The following PRKCB variants were observed in gnomAD, a reference collection of about 807,000 sequenced individuals.
The protein encoded by PRKCB is protein kinase C beta type.
A neutral mutation model predicts 81.5 loss-of-function variants in PRKCB; 13 were observed. The observed-to-expected ratio is 0.16, with a 90% CI of 0.10 to 0.25. The LOEUF (loss-of-function observed/expected upper bound fraction) is 0.25, where lower values mean the gene tolerates loss of function less well. PRKCB is among the 10% of genes least tolerant of loss of function. PRKCB has a pLI of 1.00. For missense variants in PRKCB, 509 were observed against 875.7 expected, an observed-to-expected ratio of 0.58 and a Z score of 5.29; for synonymous variants, 335 against 321.4, an observed-to-expected ratio of 1.04 and a Z score of -0.45.
intron 2 of PRKCB, among the ~76,000 whole-genome samples, chr16:23,983,232 A>G (rs1396535444): frequency 6.6e-6 from 1 of 152,156 alleles, no homozygotes; most frequent in African/African-American, 2.4e-5. Flanking sequence ...CAGCCCTACT[A>G]TTTTCTTCAA....
intron 2 of PRKCB, among the ~76,000 whole-genome samples, chr16:23,906,854 C>T (rs912104556): frequency 3.9e-5 from 6 of 152,214 alleles, no homozygotes; most frequent in Admixed American, 3.3e-4. Context: ...CTGACAGCCT[C>T]CAGTGCCAGC....
At chr16:24,062,531 G>C (rs1408437902) in intron 5 of PRKCB, among the ~76,000 whole-genome samples, 2 of 152,212 alleles carry the variant, frequency 1.3e-5, no homozygotes, top group Admixed American at 6.5e-5. Context: ...AAGTATAAAG[G>C]GGGGTTTGTA....
intron 2 of PRKCB, among the ~76,000 whole-genome samples, chr16:23,910,780 C>T (rs897351958): frequency 6.6e-6 from 1 of 152,164 alleles, no homozygotes; most frequent in Non-Finnish European, 1.5e-5. Flanking sequence ...ACATTCTCAT[C>T]ACCCCCGAAA....
chr16:24,115,710 C>T (rs1369749522), intron 8 of PRKCB, among the ~76,000 whole-genome samples: 1 of 151,678 alleles, frequency 6.6e-6, no homozygotes, highest in Non-Finnish European at 1.5e-5. Context: ...AGCATTTATC[C>T]CAAGGATTTT....
At chr16:24,194,558 G>A (rs1316956866) in intron 16 of PRKCB, among the ~76,000 whole-genome samples, 1 of 152,000 alleles carries the variant, frequency 6.6e-6, no homozygotes, top group Non-Finnish European at 1.5e-5. Context: ...TACAACCAGA[G>A]TCCATTTTGA....
intron 2 of PRKCB, among the ~76,000 whole-genome samples, chr16:23,915,913 A>G (rs551183848): frequency 1.1e-4 from 16 of 152,106 alleles, no homozygotes; most frequent in Non-Finnish European, 2.2e-4. Flanking sequence ...ATCTACATTT[A>G]TATGTATTTT....
intron 16 of PRKCB, among the ~76,000 whole-genome samples, chr16:24,213,013 T>A (rs1968169931): frequency 7.9e-6 from 1 of 126,588 alleles, no homozygotes; most frequent in African/African-American, 2.7e-5. Context: ...TGTATATTTA[T>A]TTATTTATTT....
rs550707685 is a variant in PRKCB at position 24,071,918 on chromosome 16, C to T, written c.530-20873C>T. 3.9e-5 allele frequency among the ~76,000 whole-genome samples: 6 copies of T among 152,242 alleles called. No individual in the cohort carries two copies. The South Asian group carries it at 1.0e-3, about 26-fold the overall frequency. ...CACATTCTGGAGGGGTCGTCGGCAT[C>T]ACTGGGCCCTGCTCCAGGATCTCAG... On this transcript the variant is annotated intron_variant, in intron 5 of 16. Transcript: ENST00000643927.
chr16:23,855,854 G>A (rs867969234), intron 2 of PRKCB, among the ~76,000 whole-genome samples: 26 of 152,338 alleles, frequency 1.7e-4, no homozygotes, highest in Middle Eastern at 3.4e-3. Context: ...CTTGGGCAAA[G>A]CAGCTCCCTT....
chr16:24,140,499 C>G (rs1211817719), intron 9 of PRKCB, among the ~76,000 whole-genome samples: 1 of 152,076 alleles, frequency 6.6e-6, no homozygotes, highest in African/African-American at 2.4e-5. Flanking sequence ...AGAATTTTTC[C>G]AAGATAGTTT....
Position 24,141,954 on chromosome 16 carries a change from C to T in PRKCB, c.1066-12730C>T, listed in dbSNP as rs543664953. Reference sequence around the variant, plus strand: ...TGTGGGAAAGAATCCCCTATACACACCCACAGGAGTTAGAACATCCTTCTT... The same window carrying T: ...TGTGGGAAAGAATCCCCTATACACATCCACAGGAGTTAGAACATCCTTCTT... On this transcript the variant is annotated intron_variant, in intron 9 of 16. Transcript: ENST00000643927. Among the ~76,000 whole-genome samples, 3 of 152,336 alleles carry T rather than the reference C, an allele frequency of 2.0e-5. No individual in the cohort carries two copies. The East Asian group carries it at 5.8e-4, about 29-fold the overall frequency.
At chr16:24,052,260 AT>A (rs1163657081) in intron 5 of PRKCB, among the ~76,000 whole-genome samples, 1 of 152,172 alleles carries the variant, frequency 6.6e-6, no homozygotes, top group Non-Finnish European at 1.5e-5. Context: ...AGAGTTTCTG[AT>A]TCAGTAGACA....
chr16:23,902,716 C>CCCTCCGTCCCTT (rs1963492910), intron 2 of PRKCB, among the ~76,000 whole-genome samples: 1 of 93,450 alleles, frequency 1.1e-5, no homozygotes, highest in Non-Finnish European at 2.1e-5. Flanking sequence ...AAAAGTTTTT[C>CCCTCCGTCCCTT]CCTCCCTCCC....
intron 5 of PRKCB, among the ~76,000 whole-genome samples, chr16:24,056,568 T>A (rs1448427544): frequency 6.6e-6 from 1 of 152,208 alleles, no homozygotes; most frequent in Non-Finnish European, 1.5e-5. Context: ...GGGCCATTTT[T>A]GGGTCATGGG....
intron 9 of PRKCB, among the ~76,000 whole-genome samples, chr16:24,154,235 C>T (rs949418537): frequency 1.3e-5 from 2 of 152,182 alleles, no homozygotes; most frequent in African/African-American, 4.8e-5. Flanking sequence ...GTAATCTTAG[C>T]ACTTTGGGAA....
rs1417812622 is a variant in PRKCB, at chr16:24,113,051, A to G, written c.900A>G (p.Glu300=). The change falls in exon 8 of 17, where the codon GAA becomes GAG. Residue 300 remains glutamate, a synonymous_variant. Transcript: ENST00000643927. ...CAGAAGGAAGTGAGGCCAATGAAGA[A>G]CTGCGGCAGAAATTTGAGGTGAGGT... ...VPPEGSEANE[E]LRQKFERAKI... is the part of the protein sequence containing the mutation. 1.9e-6 allele frequency: 3 copies of G among 1,611,736 alleles called. No individual in the cohort carries two copies. Among genetic ancestry groups the G allele is most frequent in the African/African-American group, 2.7e-5 (2 of 74,916 alleles).
chr16:23,893,554 A>C (rs1255946427), intron 2 of PRKCB: 2 of 152,264 alleles, frequency 1.3e-5, no homozygotes, highest in Non-Finnish European at 2.9e-5. Context: ...AGGAAATGTG[A>C]AAAGCATTTT....
At chr16:23,929,126 G>T (rs1208031415) in intron 2 of PRKCB, among the ~76,000 whole-genome samples, 1 of 152,038 alleles carries the variant, frequency 6.6e-6, no homozygotes, top group East Asian at 1.9e-4. Flanking sequence ...CATAAGAGAT[G>T]GCTCAGAGGA....
At chr16:24,021,125 CT>C in intron 3 of PRKCB, among the ~76,000 whole-genome samples, 1 of 137,312 alleles carries the variant, frequency 7.3e-6, no homozygotes, top group South Asian at 2.5e-4. Flanking sequence ...CTCTTTCTTT[CT>C]TTCCTTCCTT....
Sources: gnomAD v4.1 joint callset for allele counts (sites outside exome capture counted in the v4.1 genomes callset) on GRCh38, gnomAD v4.1.1 for gene constraint, MANE v1.5 for transcripts, NCBI Gene and HGNC (gene_info 2026-07-23, HGNC 2026-07-21) for gene names.